FAM120A: variants seen among roughly 807,000 people sequenced by gnomAD.
FAM120A encodes the protein family with sequence similarity 120 member A, also known as constitutive coactivator of PPAR-gamma-like protein 1.
A neutral mutation model predicts 109.7 loss-of-function variants in FAM120A; 15 were observed. The observed-to-expected ratio is 0.14, with a 90% confidence interval of 0.09 to 0.21. FAM120A has a LOEUF of 0.21. FAM120A is among the 10% of genes least tolerant of loss of function. The pLI is 1.00. For synonymous variants in FAM120A, 493 were observed against 572.8 expected, an observed-to-expected ratio of 0.86 and a Z score of 1.99; for missense variants, 899 against 1,439.3, an observed-to-expected ratio of 0.62 and a Z score of 6.07.
chr9:93,505,092 G>A lies in FAM120A; in HGVS notation c.1030+6206G>A, dbSNP rs1252774730. On this transcript the variant is annotated intron_variant, in intron 5 of 17. Transcript: ENST00000277165. ...TTTTTTTTTTTTGAGAAGGAGTCTC[G>A]CTCTGTCACCCAGGCTGGAGTGCAG... Among the ~76,000 whole-genome samples the A allele has an allele frequency of 1.9e-4, 21 of 112,886 alleles. No individual in the cohort carries two copies. In the East Asian group the frequency reaches 4.8e-3, roughly 26 times the overall value. The allele number at this position is 112,886 out of a possible 152,430, so 74.1% of individuals were successfully genotyped here. A position where few individuals can be genotyped will look rare whatever the true frequency, so the allele number is the denominator to read the frequency against.
At chr9:93,506,248 G>T (rs931199188) in intron 5 of FAM120A, among the ~76,000 whole-genome samples, 1 of 152,116 alleles carries the variant, frequency 6.6e-6, no homozygotes, top group Non-Finnish European at 1.5e-5. Flanking sequence ...AATTTGGAAA[G>T]AATAAAATCT....
At chr9:93,476,731 A>G (rs754189952) in intron 3 of FAM120A, among the ~76,000 whole-genome samples, 1 of 152,194 alleles carries the variant, frequency 6.6e-6, no homozygotes, top group Non-Finnish European at 1.5e-5. Flanking sequence ...TTCATAACTA[A>G]TTTTCTACAA....
At chr9:93,468,609 T>C (rs1432363436) in intron 1 of FAM120A, among the ~76,000 whole-genome samples, 1 of 152,216 alleles carries the variant, frequency 6.6e-6, no homozygotes, top group Non-Finnish European at 1.5e-5. Context: ...TACCACAAAG[T>C]TTTACATAGT....
At chr9:93,465,866 T>A (rs1322497795) in intron 1 of FAM120A, among the ~76,000 whole-genome samples, 1 of 152,240 alleles carries the variant, frequency 6.6e-6, no homozygotes, top group South Asian at 2.1e-4. Flanking sequence ...CTGTTTGTCT[T>A]TGGTGATCTT....
intron 3 of FAM120A, among the ~76,000 whole-genome samples, chr9:93,482,513 G>A (rs754820264): frequency 6.6e-6 from 1 of 152,030 alleles, no homozygotes; most frequent in Non-Finnish European, 1.5e-5. Flanking sequence ...TTTTTCCCAG[G>A]GGTATCTTTA....
chr9:93,496,501 A>C (rs1188128966), intron 3 of FAM120A, among the ~76,000 whole-genome samples: 1 of 152,218 alleles, frequency 6.6e-6, no homozygotes, highest in Non-Finnish European at 1.5e-5. Context: ...GTATGTTAAC[A>C]TGCAAGGGCT....
chr9:93,521,118 C>G (rs984935484), intron 7 of FAM120A, among the ~76,000 whole-genome samples: 1 of 152,118 alleles, frequency 6.6e-6, no homozygotes, highest in African/African-American at 2.4e-5. Flanking sequence ...GAGAAGACTT[C>G]TTGCCACATA....
intron 5 of FAM120A, among the ~76,000 whole-genome samples, chr9:93,506,584 A>AT (rs57537956): frequency 1.5e-4 from 21 of 143,784 alleles, no homozygotes; most frequent in Non-Finnish European, 1.5e-4. Context: ...TTAGGGCATG[A>AT]TTTTTTTTTT....
intron 3 of FAM120A, among the ~76,000 whole-genome samples, chr9:93,487,039 T>C (rs1046209987): frequency 2.0e-5 from 3 of 152,278 alleles, no homozygotes; most frequent in African/African-American, 2.4e-5. Context: ...TGACTGATGA[T>C]GTTGAATATC....
intron 8 of FAM120A, among the ~76,000 whole-genome samples, chr9:93,528,206 A>G (rs1488572928): frequency 6.6e-6 from 1 of 152,238 alleles, no homozygotes; most frequent in African/African-American, 2.4e-5. Context: ...CTACATCTGT[A>G]TTCTTATGGA....
chr9:93,515,365 A>G (rs1395460273), intron 5 of FAM120A, among the ~76,000 whole-genome samples: 2 of 152,246 alleles, frequency 1.3e-5, no homozygotes, highest in African/African-American at 2.4e-5. Context: ...AGTTGCAGGC[A>G]GAGGGACAGC....
chr9:93,514,343 G>A (rs1054363125), intron 5 of FAM120A, among the ~76,000 whole-genome samples: 1 of 152,228 alleles, frequency 6.6e-6, no homozygotes, highest in African/African-American at 2.4e-5. Flanking sequence ...GGGTGGGGAT[G>A]TGCAGCCTAA....
At chr9:93,459,173 G>GT (rs1857680814) in intron 1 of FAM120A, among the ~76,000 whole-genome samples, 1 of 152,208 alleles carries the variant, frequency 6.6e-6, no homozygotes, top group Non-Finnish European at 1.5e-5. Flanking sequence ...ACAGCATGGT[G>GT]TATGTTTGCA....
chr9:93,509,864 C>T (rs1860233548), intron 5 of FAM120A, among the ~76,000 whole-genome samples: 1 of 152,038 alleles, frequency 6.6e-6, no homozygotes, highest in Non-Finnish European at 1.5e-5. Context: ...TGTACAGACC[C>T]CTTGAACATG....
chr9:93,524,422 C>T (rs1860978675), intron 7 of FAM120A, among the ~76,000 whole-genome samples: 3 of 152,214 alleles, frequency 2.0e-5, no homozygotes, highest in African/African-American at 7.2e-5. Context: ...AAAAATCATT[C>T]AGTGACTAGA....
chr9:93,465,139 G>C (rs1246328922), intron 1 of FAM120A, among the ~76,000 whole-genome samples: 1 of 152,142 alleles, frequency 6.6e-6, no homozygotes, highest in African/African-American at 2.4e-5. Context: ...AGTACTTAAC[G>C]TTTATTCTTA....
chr9:93,510,230 G>A (rs1860249677), intron 5 of FAM120A, among the ~76,000 whole-genome samples: 1 of 152,200 alleles, frequency 6.6e-6, no homozygotes, highest in South Asian at 2.1e-4. Flanking sequence ...CAGTGAGTTT[G>A]TGGTAGTTAG....
chr9:93,479,809 TCTGA>T (rs146219162), intron 3 of FAM120A, among the ~76,000 whole-genome samples: 1,551 of 152,318 alleles, frequency 0.01, 13 homozygotes, highest in East Asian at 0.032. Flanking sequence ...TTTTTAACTC[TCTGA>T]CTGTCATCGA....
chr9:93,484,360 C>G (rs576752151), intron 3 of FAM120A, among the ~76,000 whole-genome samples: 9 of 152,256 alleles, frequency 5.9e-5, no homozygotes, highest in Non-Finnish European at 1.0e-4. Flanking sequence ...GTGAGTGGGA[C>G]TGCCAAGCAG....
Sources: allele counts gnomAD v4.1 joint callset (sites outside exome capture counted in the v4.1 genomes callset), GRCh38; gene constraint gnomAD v4.1.1; transcripts MANE v1.5; gene names NCBI Gene and HGNC (gene_info 2026-07-23, HGNC 2026-07-21).